GABRB1: variants seen among roughly 807,000 people sequenced by gnomAD.
The protein encoded by GABRB1 is gamma-aminobutyric acid receptor subunit beta-1.
In GABRB1, 17 loss-of-function variants were observed where a neutral mutation model predicts 51.6. The ratio of observed to expected loss-of-function variants is 0.33; its 90% CI spans 0.23 to 0.49. The LOEUF is 0.49. GABRB1 is among the 20% of genes least tolerant of loss of function. GABRB1 has a pLI of 0.99. For synonymous variants in GABRB1, 247 were observed against 218.9 expected (o/e 1.13, Z -1.14); for missense variants, 410 against 600.6 (o/e 0.68, Z 3.32).
upstream of GABRB1, among the ~76,000 whole-genome samples, chr4:47,027,674 T>G (rs1211684504): frequency 6.6e-6 from 1 of 151,572 alleles, no homozygotes; most frequent in African/African-American, 2.4e-5. Context: ...TAATGCAATA[T>G]AAAAATAACA....
intron 3 of GABRB1, among the ~76,000 whole-genome samples, chr4:47,066,860 T>G (rs913844294): frequency 2.0e-5 from 3 of 152,212 alleles, no homozygotes; most frequent in Non-Finnish European, 4.4e-5. Context: ...TAATGACATC[T>G]AGAATGGTGA....
intron 3 of GABRB1, among the ~76,000 whole-genome samples, chr4:47,112,424 T>C (rs1424065177): frequency 6.6e-6 from 1 of 152,182 alleles, no homozygotes; most frequent in Admixed American, 6.5e-5. Flanking sequence ...TATTCTACAA[T>C]TGTGTTACTA....
chr4:47,003,512 C>T (rs1358581065), intron 1 of GABRB1, among the ~76,000 whole-genome samples: 1 of 152,196 alleles, frequency 6.6e-6, no homozygotes, highest in East Asian at 1.9e-4. Flanking sequence ...AGAAACCTCT[C>T]ACATTTCAGA....
intron 8 of GABRB1, among the ~76,000 whole-genome samples, chr4:47,418,244 T>C (rs1238745132): frequency 1.3e-5 from 2 of 152,208 alleles, no homozygotes; most frequent in Admixed American, 6.5e-5. Flanking sequence ...TTTTAAGGAA[T>C]CATTTCTTGC....
chr4:47,425,784 T>A lies in GABRB1; in HGVS notation c.1191T>A (p.Tyr397Ter). 1 of 1,614,172 alleles carries A rather than the reference T, an allele frequency of 6.2e-7. No individual in the cohort carries two copies. Among genetic ancestry groups the A allele is most frequent in the Non-Finnish European group, 8.5e-7 (1 of 1,180,020 alleles). The change falls in exon 9 of 9, where the codon TAT becomes TAA. Residue 397 changes from tyrosine to a stop codon, truncating the protein, a stop_gained. Transcript: ENST00000295454. LOFTEE classifies it high-confidence loss of function. ...VSDPKATMYSYDSASIQYRKP... is the reference protein window; with the variant it reads ...VSDPKATMYS ...ACCCCAAGGCCACCATGTACTCCTATGACAGCGCCAGCATCCAGTACCGCA... is the reference window on the plus strand; with the variant it reads ...ACCCCAAGGCCACCATGTACTCCTAAGACAGCGCCAGCATCCAGTACCGCA...
intron 4 of GABRB1, among the ~76,000 whole-genome samples, chr4:47,313,560 G>A (rs1246547871): frequency 1.3e-5 from 2 of 152,084 alleles, no homozygotes; most frequent in Non-Finnish European, 2.9e-5. Flanking sequence ...GAAGACAAGA[G>A]AGCTGAACAG....
chr4:47,048,199 A>G (rs944571181), intron 3 of GABRB1, among the ~76,000 whole-genome samples: 1 of 152,146 alleles, frequency 6.6e-6, no homozygotes, highest in Non-Finnish European at 1.5e-5. Flanking sequence ...TTGAGGATTG[A>G]TTTATTCAGT....
chr4:47,369,980 AAG>A lies in GABRB1; in HGVS notation c.545-33335_545-33334del, dbSNP rs543127890. Reference sequence around the variant, plus strand: ...TTTTGTAGTCAAACTCAAAGAAACAAAGAGTGATAAATTAAATTTTATATAAA... The same window carrying A: ...TTTTGTAGTCAAACTCAAAGAAACAAAGTGATAAATTAAATTTTATATAAA... On this transcript the variant is annotated intron_variant, in intron 5 of 8. Coordinates refer to ENST00000295454, the MANE Select transcript of GABRB1 (RefSeq NM_000812.4). Among the ~76,000 whole-genome samples the A allele has an allele frequency of 7.9e-5, 12 of 152,288 alleles. No homozygotes were observed. In the East Asian group the frequency reaches 2.1e-3, roughly 27 times the overall value.
intron 4 of GABRB1, among the ~76,000 whole-genome samples, chr4:47,319,267 TACAC>T (rs1219296334): frequency 2.6e-5 from 4 of 152,096 alleles, no homozygotes; most frequent in Non-Finnish European, 5.9e-5. Context: ...TGTATATACA[TACAC>T]ACACTGATAT....
chr4:47,268,766 G>A (rs888421220), intron 4 of GABRB1, among the ~76,000 whole-genome samples: 1 of 152,154 alleles, frequency 6.6e-6, no homozygotes, highest in African/African-American at 2.4e-5. Flanking sequence ...ATTACTATCA[G>A]CTAGCTGAAG....
intron 4 of GABRB1, among the ~76,000 whole-genome samples, chr4:47,245,269 C>T (rs892698236): frequency 6.6e-6 from 1 of 152,048 alleles, no homozygotes; most frequent in Non-Finnish European, 1.5e-5. Context: ...GTAAAACACA[C>T]TATTTCCTAA....
At chr4:47,412,692 TAGGAGAAAG>T (rs1214300970) in intron 8 of GABRB1, among the ~76,000 whole-genome samples, 1 of 152,074 alleles carries the variant, frequency 6.6e-6, no homozygotes, top group East Asian at 1.9e-4. Context: ...AGAGGTTTAA[TAGGAGAAAG>T]AAAGAGAAAT....
At chr4:47,417,892 T>C (rs1728979942) in intron 8 of GABRB1, among the ~76,000 whole-genome samples, 1 of 152,242 alleles carries the variant, frequency 6.6e-6, no homozygotes, top group Non-Finnish European at 1.5e-5. Flanking sequence ...TGAGTTCAGC[T>C]ATACTTATAT....
At chr4:47,117,017 A>C (rs948609975) in intron 3 of GABRB1, among the ~76,000 whole-genome samples, 3 of 152,140 alleles carry the variant, frequency 2.0e-5, no homozygotes, top group Non-Finnish European at 4.4e-5. Context: ...CCCATGATCC[A>C]GTCACCACCT....
chr4:47,300,058 G>C (rs899839062), intron 4 of GABRB1, among the ~76,000 whole-genome samples: 7 of 138,006 alleles, frequency 5.1e-5, no homozygotes, highest in African/African-American at 1.6e-4. Flanking sequence ...CATGGACACA[G>C]GAAGGGGAAC....
chr4:47,013,610 G>A lies in GABRB1; in HGVS notation c.-19-18304G>A, dbSNP rs147389166. ...CATTATTTAGGTTTAAGATATTTTC[G>A]TGTGTGCAGTTGTCATTTGGATTTA... On this transcript the variant is annotated intron_variant, in intron 1 of 3. Coordinates refer to the GABRB1 transcript ENST00000513567. Among the ~76,000 whole-genome samples, 1,444 of 152,230 alleles carry A rather than the reference G, an allele frequency of 9.5e-3. 21 individuals are homozygous for A. The highest frequency in any genetic ancestry group is 0.032 in the African/African-American group (1,329 of 41,550).
chr4:47,185,238 A>T (rs1338526915), intron 4 of GABRB1, among the ~76,000 whole-genome samples: 1 of 151,864 alleles, frequency 6.6e-6, no homozygotes, highest in African/African-American at 2.4e-5. Context: ...GAAATCCTTC[A>T]ATGTTGCTGC....
intron 4 of GABRB1, among the ~76,000 whole-genome samples, chr4:47,299,770 G>C (rs1480353191): frequency 6.6e-6 from 1 of 152,060 alleles, no homozygotes; most frequent in Non-Finnish European, 1.5e-5. Flanking sequence ...AAATCATGCT[G>C]TTATAAAGAC....
At chr4:47,198,017 C>T (rs1355137107) in intron 4 of GABRB1, among the ~76,000 whole-genome samples, 3 of 152,170 alleles carry the variant, frequency 2.0e-5, no homozygotes, top group Non-Finnish European at 4.4e-5. Context: ...AAGGATGAAT[C>T]TGAATATCAC....
Sources: gnomAD v4.1 joint callset for allele counts (sites outside exome capture counted in the v4.1 genomes callset) on GRCh38, gnomAD v4.1.1 for gene constraint, MANE v1.5 for transcripts, NCBI Gene and HGNC (gene_info 2026-07-23, HGNC 2026-07-21) for gene names.